Variants in ZBTB10 observed in about 807,000 individuals in gnomAD.
ZBTB10 encodes zinc finger and BTB domain-containing protein 10.
Under a neutral mutation model 76.4 loss-of-function variants are expected in ZBTB10, and 32 were observed. The observed-to-expected ratio is 0.42, with a 90% CI of 0.32 to 0.56. The LOEUF (loss-of-function observed/expected upper bound fraction) is 0.56. Ranked by LOEUF, ZBTB10 falls within the 20% of genes least tolerant of loss-of-function variation. The probability of loss-of-function intolerance (pLI) is 0.14; values close to 1 mark genes in which losing one functional copy is unlikely to be tolerated. For missense variants in ZBTB10, 1,057 were observed against 1,098.5 expected (o/e 0.96, Z 0.53); for synonymous variants, 523 against 432.9 (o/e 1.21, Z -2.58).
intron 2 of ZBTB10, among the ~76,000 whole-genome samples, chr8:80,508,739 G>A (rs1419314766): frequency 6.6e-6 from 1 of 152,114 alleles, no homozygotes; most frequent in Non-Finnish European, 1.5e-5. Flanking sequence ...TAAGTGGGTC[G>A]AAGAATAGAA....
rs1262151471 is a variant in ZBTB10, at chr8:80,523,368, T to TA, written c.*3841dup. ...CTTTCCTCCCCCCAATAAATTTCCTTACTACTCTTTCTTCATAAAGCAGTT... is the reference window on the plus strand; with the variant it reads ...CTTTCCTCCCCCCAATAAATTTCCTTAACTACTCTTTCTTCATAAAGCAGTT... On this transcript the variant is annotated 3_prime_UTR_variant, in exon 6 of 6. Coordinates refer to ENST00000455036, the MANE Select transcript of ZBTB10 (RefSeq NM_001105539.3). 1 of 152,054 alleles carries TA rather than the reference T, an allele frequency of 6.6e-6. No homozygotes were observed. The highest frequency in any genetic ancestry group is 1.5e-5 in the Non-Finnish European group (1 of 67,902). The allele number at this position is 152,054 out of a possible 1,614,324, so 9.4% of individuals were successfully genotyped here.
rs1816496689 is a variant in ZBTB10, at chr8:80,523,785, T to C, written c.*4257T>C. 6.6e-6 allele frequency: 1 copy of C among 151,912 alleles called. No homozygotes were observed. Among genetic ancestry groups the C allele is most frequent in the African/African-American group, 2.4e-5 (1 of 41,414 alleles). 9.4% of individuals were successfully genotyped at this position (151,912 alleles called of 1,614,324 possible). On this transcript the variant is annotated 3_prime_UTR_variant, in exon 6 of 6. Transcript: ENST00000455036. ...TACACTAGCTATTGAGAACAATATTTTGGGTTGAGGAGAGATGGTTGAGGC... is the reference window on the plus strand; with the variant it reads ...TACACTAGCTATTGAGAACAATATTCTGGGTTGAGGAGAGATGGTTGAGGC...
chr8:80,493,207 G>GCGCGCGCGCGCGCACACACACA (rs375071529), intron 1 of ZBTB10, among the ~76,000 whole-genome samples: 3 of 125,242 alleles, frequency 2.4e-5, no homozygotes, highest in African/African-American at 6.2e-5. Flanking sequence ...GCGCGCGCGC[G>GCGCGCGCGCGCGCACACACACA]CACACACACA....
Position 80,491,296 on chromosome 8 carries a change from T to G in ZBTB10, c.972+3514T>G, listed in dbSNP as rs79867787. On this transcript the variant is annotated intron_variant, in intron 1 of 5. Transcript: ENST00000455036. ...CCTTACAGTAACATAGTGTACAGAT[T>G]TGTAGTCTGGGAGCAATAGGCCCAA... Among the ~76,000 whole-genome samples, 155 of 152,320 alleles carry G rather than the reference T, an allele frequency of 1.0e-3. 1 individual carries two copies. The highest frequency in any genetic ancestry group is 3.6e-3 in the African/African-American group (149 of 41,564).
chr8:80,519,200 G>A, intron 5 of ZBTB10, 23 bp from the exon 6 acceptor site: 1 of 1,604,112 alleles, frequency 6.2e-7, no homozygotes. Context: ...TCCTTATATT[G>A]GATTTTTTCC....
intron 3 of ZBTB10, among the ~76,000 whole-genome samples, chr8:80,517,928 G>GAC (rs1816369881): frequency 7.3e-6 from 1 of 136,472 alleles, no homozygotes; most frequent in African/African-American, 2.9e-5. Context: ...GCCCTGGCTG[G>GAC]AGTGCAGTGG....
chr8:80,495,440 C>T (rs546532178), intron 1 of ZBTB10, among the ~76,000 whole-genome samples: 2 of 150,306 alleles, frequency 1.3e-5, no homozygotes, highest in South Asian at 4.2e-4. Context: ...AATGCCGTCG[C>T]ATTTACTTGA....
At chr8:80,497,524 C>T (rs941753680) in intron 1 of ZBTB10, among the ~76,000 whole-genome samples, 22 of 151,424 alleles carry the variant, frequency 1.5e-4, no homozygotes, top group African/African-American at 5.3e-4. Flanking sequence ...ATGCACTTGG[C>T]ACAAGAAGGG....
chr8:80,521,625 T>C lies in ZBTB10; in HGVS notation c.*2097T>C, dbSNP rs1816450254. On this transcript the variant is annotated 3_prime_UTR_variant, in exon 6 of 6. Coordinates refer to ENST00000455036, the MANE Select transcript of ZBTB10 (RefSeq NM_001105539.3). ...AGAAACTGGACTTGGCTTTACATTC[T>C]TAATGTACTTTTACTTTTCCTCAAG... 6.6e-6 allele frequency: 1 copy of C among 151,818 alleles called. No individual in the cohort carries two copies. Among genetic ancestry groups the C allele is most frequent in the Non-Finnish European group, 1.5e-5 (1 of 67,754 alleles). The allele number at this position is 151,818 out of a possible 1,614,324, so 9.4% of individuals were successfully genotyped here.
intron 1 of ZBTB10, among the ~76,000 whole-genome samples, chr8:80,493,205 G>GTGCACACA (rs1815683776): frequency 1.0e-5 from 1 of 98,372 alleles, no homozygotes; most frequent in Admixed American, 1.1e-4. Flanking sequence ...GCGCGCGCGC[G>GTGCACACA]CGCACACACA....
At chr8:80,494,057 T>C (rs928916640) in intron 1 of ZBTB10, among the ~76,000 whole-genome samples, 3 of 152,210 alleles carry the variant, frequency 2.0e-5, no homozygotes, top group African/African-American at 7.2e-5. Flanking sequence ...TATGGCCTTG[T>C]TTGTCTTCCT....
At chr8:80,518,621 A>G (rs1209056731) in intron 4 of ZBTB10, 42 bp downstream of exon 4, 1 of 1,514,268 alleles carries the variant, frequency 6.6e-7, no homozygotes, top group Non-Finnish European at 8.8e-7. Context: ...TTAATTAAAT[A>G]ATTGTTAACA....
Position 80,487,062 on chromosome 8 carries a change from C to G in ZBTB10, c.252C>G (p.Ala84=), listed in dbSNP as rs1316770465. The change falls in exon 1 of 6, where the codon GCC becomes GCG. Residue 84 remains alanine (A), a synonymous_variant. Transcript: ENST00000455036. ...PQDLEASAGP[A]AGAAEEAKEL... is the part of the protein sequence containing the mutation. ...ACCTGGAGGCCTCCGCCGGGCCGGC[C>G]GCCGGCGCCGCCGAGGAAGCCAAGG... 6.6e-7 allele frequency: 1 copy of G among 1,515,510 alleles called. No individual in the cohort carries two copies. Among genetic ancestry groups the G allele is most frequent in the East Asian group, 2.6e-5 (1 of 37,966 alleles). 93.9% of individuals were successfully genotyped at this position (1,515,510 alleles called of 1,614,324 possible). A position where few individuals can be genotyped will look rare whatever the true frequency, so the allele number is the denominator to read the frequency against.
chr8:80,493,209 A>ACGCGCGCG (rs1226235279), intron 1 of ZBTB10, among the ~76,000 whole-genome samples: 16 of 73,332 alleles, frequency 2.2e-4, no homozygotes, highest in Admixed American at 9.6e-4. Flanking sequence ...GCGCGCGCGC[A>ACGCGCGCG]CACACACACA....
chr8:80,506,721 G>T (rs1326496383), intron 2 of ZBTB10, among the ~76,000 whole-genome samples: 4 of 152,172 alleles, frequency 2.6e-5, no homozygotes, highest in Non-Finnish European at 4.4e-5. Context: ...CCCACATGGG[G>T]TGTTACAGTC....
chr8:80,506,723 G>A (rs1487131438), intron 2 of ZBTB10, among the ~76,000 whole-genome samples: 1 of 152,200 alleles, frequency 6.6e-6, no homozygotes, highest in Non-Finnish European at 1.5e-5. Context: ...CACATGGGGT[G>A]TTACAGTCAT....
chr8:80,515,788 T>G (rs1585861766), intron 3 of ZBTB10, among the ~76,000 whole-genome samples: 1 of 152,216 alleles, frequency 6.6e-6, no homozygotes, highest in Admixed American at 6.5e-5. Flanking sequence ...TAGTTTTCTA[T>G]TGTGGAATAA....
In ZBTB10 at chr8:80,486,803, C is replaced by T. The variant is rs1362482545; in HGVS notation, c.-8C>T. 7.1e-7 allele frequency: 1 copy of T among 1,415,882 alleles called. No individual in the cohort carries two copies. The highest frequency in any genetic ancestry group is 9.2e-7 in the Non-Finnish European group (1 of 1,089,166). The allele number at this position is 1,415,882 out of a possible 1,614,324, so 87.7% of individuals were successfully genotyped here. A position where few individuals can be genotyped will look rare whatever the true frequency, so the allele number is the denominator to read the frequency against. ...GGGCACCGGGCGGCGGCGGCGGCGG[C>T]GCGCGCCATGTCGTTCAGTGAAATG... On this transcript the variant is annotated 5_prime_UTR_variant, in exon 1 of 6. Transcript: ENST00000455036.
At chr8:80,489,982 C>CTTAA (rs1355772395) in intron 1 of ZBTB10, among the ~76,000 whole-genome samples, 1 of 152,168 alleles carries the variant, frequency 6.6e-6, no homozygotes, top group African/African-American at 2.4e-5. Context: ...ACCTGTTTGT[C>CTTAA]TTAACATGAG....
Sources: allele counts gnomAD v4.1 joint callset (sites outside exome capture counted in the v4.1 genomes callset), GRCh38; gene constraint gnomAD v4.1.1; transcripts MANE v1.5; gene names NCBI Gene and HGNC (gene_info 2026-07-23, HGNC 2026-07-21).